Variants in PDGFRB observed in about 807,000 individuals in gnomAD.
PDGFRB encodes the protein platelet-derived growth factor receptor beta.
PDGFRB carries 42 observed loss-of-function variants against 120.2 expected under a neutral mutation model. The observed-to-expected ratio is 0.35, with a 90% CI of 0.27 to 0.45. PDGFRB has a LOEUF of 0.45. PDGFRB is among the 20% of genes least tolerant of loss of function. PDGFRB has a pLI of 1.00. For synonymous variants in PDGFRB, 586 were observed against 606.8 expected, an observed-to-expected ratio of 0.97 and a Z score of 0.50; for missense variants, 1,149 against 1,476.3, an observed-to-expected ratio of 0.78 and a Z score of 3.63.
chr5:150,117,738 G>A lies in PDGFRB; in HGVS notation c.3017C>T (p.Ser1006Phe), dbSNP rs1490825378. 5 of 1,613,684 alleles carry A rather than the reference G, an allele frequency of 3.1e-6. No homozygotes were observed. Among genetic ancestry groups the A allele is most frequent in the Non-Finnish European group, 4.2e-6 (5 of 1,179,606 alleles). Residue 1006 changes from serine to phenylalanine, a missense_variant, in exon 22 of 23, where the codon TCC becomes TTC. By Grantham distance (155) the Ser-to-Phe change is radical (BLOSUM62 -2). Coordinates refer to ENST00000261799, the MANE Select transcript of PDGFRB (RefSeq NM_002609.4). Reference protein sequence around the residue: ...HGLRSPLDTSSVLYTAVQPNE... With the variant: ...HGLRSPLDTSFVLYTAVQPNE... ...GGGCTGCACGGCAGTATAGAGGACG[G>A]AGCTGGTGTCCAGGGGAGATCGGAG... is the stretch of plus-strand genomic sequence containing the variant.
chr5:150,134,186 C>T, intron 4 of PDGFRB, 178 bp from the exon 5 acceptor site: 2 of 628,234 alleles, frequency 3.2e-6, no homozygotes, highest in Non-Finnish European at 5.6e-6. Flanking sequence ...GACACTGGAG[C>T]AACAGTAGTG....
At chr5:150,143,858 C>T (rs888690083) in intron 1 of PDGFRB, among the ~76,000 whole-genome samples, 1 of 152,118 alleles carries the variant, frequency 6.6e-6, no homozygotes, top group African/African-American at 2.4e-5. Flanking sequence ...ACCCCTGCAC[C>T]ACGAACCTCC....
intron 1 of PDGFRB, 24 bp downstream of exon 1, chr5:150,155,373 G>A (rs1165154410): frequency 5.2e-6 from 2 of 384,522 alleles, no homozygotes; most frequent in Admixed American, 4.5e-5. Context: ...TGGGGCTGGG[G>A]TTCCCACTTT....
Position 150,155,600 on chromosome 5 carries a change from T to C in PDGFRB, c.-210A>G, listed in dbSNP as rs367550254. The C allele has an allele frequency of 1.0e-5, 4 of 398,756 alleles. No individual in the cohort carries two copies. Among genetic ancestry groups the C allele is most frequent in the East Asian group, 7.1e-5 (2 of 28,082 alleles). 24.7% of individuals were successfully genotyped at this position (398,756 alleles called of 1,614,324 possible). On this transcript the variant is annotated 5_prime_UTR_variant, in exon 1 of 23. Coordinates refer to ENST00000261799, the MANE Select transcript of PDGFRB (RefSeq NM_002609.4). ...CAGAGGGATGGAGGAAGGGGGCTGC[T>C]GTAGGGGAGAGGAGCGGCCCAGCTT...
intron 1 of PDGFRB, among the ~76,000 whole-genome samples, chr5:150,141,273 G>A (rs181065342): frequency 1.3e-5 from 2 of 152,352 alleles, no homozygotes; most frequent in Admixed American, 1.3e-4. Flanking sequence ...AACATGCACA[G>A]AACATGTGCA....
Position 150,118,398 on chromosome 5 carries a change from C to T in PDGFRB, c.2904+349G>A, listed in dbSNP as rs118186557. Among the ~76,000 whole-genome samples, 9 of 152,248 alleles carry T rather than the reference C, an allele frequency of 5.9e-5. No homozygotes were observed. The South Asian group carries it at 8.3e-4, about 14-fold the overall frequency. ...CTGTGACAGGATCCAAGTGGTCAGGCGGTTCATGGTCATGTAACCTGGGGT... is the reference window on the plus strand; with the variant it reads ...CTGTGACAGGATCCAAGTGGTCAGGTGGTTCATGGTCATGTAACCTGGGGT... On this transcript the variant is annotated intron_variant, in intron 21 of 22. Coordinates refer to ENST00000261799, the MANE Select transcript of PDGFRB (RefSeq NM_002609.4).
intron 1 of PDGFRB, among the ~76,000 whole-genome samples, chr5:150,139,923 T>C (rs1023156355): frequency 1.3e-5 from 2 of 149,956 alleles, no homozygotes; most frequent in Admixed American, 1.3e-4. Flanking sequence ...GAGGTTGCAG[T>C]GAGCTGAGAT....
In PDGFRB at chr5:150,122,017, C is replaced by T. The variant is rs1319346549; in HGVS notation, c.2207G>A (p.Ser736Asn). 3.1e-6 allele frequency: 5 copies of T among 1,613,562 alleles called. No homozygotes were observed. Among genetic ancestry groups the T allele is most frequent in the African/African-American group, 2.7e-5 (2 of 74,904 alleles). The change falls in exon 16 of 23, where the codon AGC (serine) becomes AAC (asparagine). Residue 736 changes from serine to asparagine, a missense_variant. Ser to Asn is a conservative substitution (Grantham distance 46). Transcript: ENST00000261799. ...GCTCATGTCCATGTAGCCACCGTCG[C>T]TCTCCCCGGTCAAGGACACATGGCT... Reference protein sequence around the residue: ...LPSHVSLTGESDGGYMDMSKD... With the variant: ...LPSHVSLTGENDGGYMDMSKD...
At chr5:150,126,250 G>C (rs1760289208) in intron 11 of PDGFRB, among the ~76,000 whole-genome samples, 1 of 152,260 alleles carries the variant, frequency 6.6e-6, no homozygotes, top group Non-Finnish European at 1.5e-5. Context: ...CCATGGCTAG[G>C]ATGAGAGGAA....
chr5:150,117,589 T>G (rs1368562577), intron 22 of PDGFRB, 29 bp downstream of exon 22: 1 of 1,206,014 alleles, frequency 8.3e-7, no homozygotes, highest in Non-Finnish European at 1.2e-6. Flanking sequence ...CTGTGCACAA[T>G]TTCCTTGGCC....
chr5:150,124,394 TCATGGAGGCTC>T (rs1760234803), intron 13 of PDGFRB, 34 bp from the exon 14 acceptor site: 1 of 1,473,166 alleles, frequency 6.8e-7, no homozygotes, highest in South Asian at 1.1e-5. Flanking sequence ...CCAGGCCCAG[TCATGGAGGCTC>T]CATGGAGGCC....
intron 1 of PDGFRB, among the ~76,000 whole-genome samples, chr5:150,141,950 G>A (rs1359043039): frequency 2.6e-5 from 4 of 151,862 alleles, no homozygotes; most frequent in Non-Finnish European, 4.4e-5. Context: ...AGTGAGATGA[G>A]AGAGAGAGGG....
intron 13 of PDGFRB, 138 bp from the exon 14 acceptor site, chr5:150,124,498 C>T: frequency 1.5e-6 from 1 of 670,226 alleles, no homozygotes; most frequent in Non-Finnish European, 2.6e-6. Context: ...AGCACCCACA[C>T]TCTGAGGAGG....
intron 1 of PDGFRB, among the ~76,000 whole-genome samples, chr5:150,144,334 GCCCGGCCCTGACAGCT>G (rs1176348151): frequency 6.6e-5 from 10 of 152,198 alleles, no homozygotes; most frequent in Admixed American, 5.2e-4. Context: ...GAATCTTCCG[GCCCGGCCCTGACAGCT>G]CCCTCACAAC....
At chr5:150,119,624 ACC>A (rs1284166960) in intron 19 of PDGFRB, 58 bp from the exon 20 acceptor site, 2 of 1,001,876 alleles carry the variant, frequency 2.0e-6, no homozygotes, top group Non-Finnish European at 3.2e-6. Flanking sequence ...GTGGCAGGGC[ACC>A]CTCTTCTACA....
intron 4 of PDGFRB, 27 bp from the exon 5 acceptor site, chr5:150,134,035 T>C: frequency 6.2e-7 from 1 of 1,612,450 alleles, no homozygotes; most frequent in Non-Finnish European, 8.5e-7. Context: ...GGCTTAGGTC[T>C]GGGGAAGTCA....
Position 150,123,268 on chromosome 5 carries a change from C to T in PDGFRB, c.2024-67G>A, listed in dbSNP as rs545232729. Reference sequence around the variant, plus strand: ...CAGGCGTCCCTTCAAGGCCATGAGGCTAATCAGGGGCTGGATGTGGGAGAG... The same window carrying T: ...CAGGCGTCCCTTCAAGGCCATGAGGTTAATCAGGGGCTGGATGTGGGAGAG... On this transcript the variant is annotated intron_variant, in intron 14 of 22. Coordinates refer to ENST00000261799, the MANE Select transcript of PDGFRB (RefSeq NM_002609.4). 24 of 1,271,996 alleles carry T rather than the reference C, an allele frequency of 1.9e-5. No individual in the cohort carries two copies. In the South Asian group the frequency reaches 2.3e-4, roughly 12 times the overall value. The allele number at this position is 1,271,996 out of a possible 1,614,324, so 78.8% of individuals were successfully genotyped here.
chr5:150,116,957 T>C (rs1345239015), intron 22 of PDGFRB, among the ~76,000 whole-genome samples: 1 of 152,204 alleles, frequency 6.6e-6, no homozygotes, highest in Admixed American at 6.5e-5. Flanking sequence ...CACTTCACCT[T>C]GGGCTGGATC....
Position 150,121,496 on chromosome 5 carries a change from A to C in PDGFRB, c.2345-174T>G, listed in dbSNP as rs950196456. Among the ~76,000 whole-genome samples the C allele has an allele frequency of 1.3e-5, 2 of 152,246 alleles. No homozygotes were observed. The highest frequency in any genetic ancestry group is 4.8e-5 in the African/African-American group (2 of 41,474). On this transcript the variant is annotated intron_variant, in intron 16 of 22. Transcript: ENST00000261799. This position sits in a 1 kb window ranked among gnomAD's most constrained non-coding sequence, Gnocchi z 4.1. ...ATCAAACTCAAAGTTCTCCTGCTTT[A>C]TCAGTGCCCTCATTGGCCTTTTGGC...
Sources: gnomAD v4.1 joint callset for allele counts (sites outside exome capture counted in the v4.1 genomes callset) on GRCh38, gnomAD v4.1.1 for gene constraint, Gnocchi (gnomAD v3.1) non-coding constraint, MANE v1.5 for transcripts, NCBI Gene and HGNC (gene_info 2026-07-23, HGNC 2026-07-21) for gene names.